The following FAT3 variants were observed in gnomAD, a reference collection of about 807,000 sequenced individuals.
The protein encoded by FAT3 is protocadherin Fat 3.
A neutral mutation model predicts 310.2 loss-of-function variants in FAT3; 95 were observed. The ratio of observed to expected loss-of-function variants is 0.31; its 90% CI spans 0.26 to 0.36. The LOEUF (loss-of-function observed/expected upper bound fraction) is 0.36. Ranked by LOEUF, FAT3 falls within the 10% of genes least tolerant of loss-of-function variation. The pLI, the probability that FAT3 is intolerant of heterozygous loss-of-function variation, is 1.00. For synonymous variants in FAT3, 2,314 were observed against 2,192.9 expected (o/e 1.06, Z -1.54); for missense variants, 5,408 against 5,715.6 (o/e 0.95, Z 1.74).
At chr11:92,859,480 C>T (rs1565656551) in intron 21 of FAT3, among the ~76,000 whole-genome samples, 158 bp downstream of exon 21, 1 of 152,156 alleles carries the variant, frequency 6.6e-6, no homozygotes, top group Non-Finnish European at 1.5e-5. Context: ...GGGAAGGGAG[C>T]CAACATCCCA....
At chr11:92,730,189 T>C (rs1282188233) in intron 4 of FAT3, among the ~76,000 whole-genome samples, 1 of 152,018 alleles carries the variant, frequency 6.6e-6, no homozygotes, top group Non-Finnish European at 1.5e-5. Flanking sequence ...CCTTTAATAA[T>C]TGGCCAGTCA....
chr11:92,662,772 C>T (rs1177499439), intron 3 of FAT3, among the ~76,000 whole-genome samples: 2 of 152,176 alleles, frequency 1.3e-5, no homozygotes, highest in Admixed American at 6.5e-5. Flanking sequence ...AGTCATTTGT[C>T]ATGTTTCATC....
At chr11:92,374,585 A>G (rs2134732996) in intron 2 of FAT3, among the ~76,000 whole-genome samples, 2 of 152,330 alleles carry the variant, frequency 1.3e-5, no homozygotes, top group South Asian at 4.1e-4. Context: ...ACCCACTATG[A>G]ACTGTAGGAA....
rs1949259646 is a variant in FAT3 at position 92,866,843 on chromosome 11, T to G, written c.11761T>G (p.Phe3921Val). 2 of 1,613,854 alleles carry G rather than the reference T, an allele frequency of 1.2e-6. No homozygotes were observed. Among genetic ancestry groups the G allele is most frequent in the Non-Finnish European group, 1.7e-6 (2 of 1,179,878 alleles). Residue 3921 changes from phenylalanine to valine, a missense_variant, in exon 22 of 28, where the codon TTC becomes GTC. Phe to Val is a conservative substitution (Grantham distance 50). This residue lies in a region of FAT3 where 4,588 missense variants were observed against 4,809.8 expected (regional missense o/e 0.95). Coordinates refer to ENST00000525166, the MANE Select transcript of FAT3 (RefSeq NM_001367949.2). ...CAACGACGGGAGCTGGCACTCGGTC[T>G]TCCTGGAGCTCAACCGCAATTTCAC... is the stretch of plus-strand genomic sequence containing the variant. ...AVNDGSWHSVFLELNRNFTSL... is the reference protein window; with the variant it reads ...AVNDGSWHSVVLELNRNFTSL...
At chr11:92,796,968 T>C (rs1443234281) in intron 9 of FAT3, among the ~76,000 whole-genome samples, 1 of 152,210 alleles carries the variant, frequency 6.6e-6, no homozygotes, top group Non-Finnish European at 1.5e-5. Context: ...TCACAAGGAT[T>C]ATGTCTCAGG....
chr11:92,630,153 A>C (rs1941502449), intron 3 of FAT3, among the ~76,000 whole-genome samples: 1 of 152,122 alleles, frequency 6.6e-6, no homozygotes, highest in Non-Finnish European at 1.5e-5. Context: ...TGCTGAATGA[A>C]ATGGCATGTG....
intron 21 of FAT3, 27 bp from the exon 22 acceptor site, chr11:92,866,714 G>T: frequency 3.1e-6 from 5 of 1,596,712 alleles, no homozygotes; most frequent in Non-Finnish European, 4.3e-6. Context: ...ATGTTGAAAA[G>T]TGCTGCACTG....
At chr11:92,851,202 G>C (rs1948822183) in intron 19 of FAT3, among the ~76,000 whole-genome samples, 1 of 152,150 alleles carries the variant, frequency 6.6e-6, no homozygotes, top group Non-Finnish European at 1.5e-5. Flanking sequence ...TACAAATCAT[G>C]AATCTGATCA....
intron 3 of FAT3, among the ~76,000 whole-genome samples, chr11:92,655,628 G>T (rs1942549941): frequency 6.6e-6 from 1 of 152,002 alleles, no homozygotes; most frequent in Non-Finnish European, 1.5e-5. Flanking sequence ...TTCCCCTTGA[G>T]GTACGCCACA....
chr11:92,615,711 T>A (rs1303050704), intron 3 of FAT3, among the ~76,000 whole-genome samples: 1 of 152,238 alleles, frequency 6.6e-6, no homozygotes, highest in African/African-American at 2.4e-5. Context: ...AACATCTTTA[T>A]TTCTGCCTTC....
chr11:92,235,961 G>A (rs1316086818), intron 1 of FAT3, among the ~76,000 whole-genome samples: 1 of 152,202 alleles, frequency 6.6e-6, no homozygotes, highest in East Asian at 1.9e-4. Context: ...GTTCACAGTC[G>A]AAGGTAAAAT....
At chr11:92,513,816 A>G (rs1420622938) in intron 2 of FAT3, among the ~76,000 whole-genome samples, 1 of 152,120 alleles carries the variant, frequency 6.6e-6, no homozygotes, top group Non-Finnish European at 1.5e-5. Context: ...TCTAATAATT[A>G]TCCCAGCAGG....
intron 2 of FAT3, among the ~76,000 whole-genome samples, chr11:92,412,740 T>TAA (rs1406550603): frequency 9.8e-4 from 75 of 76,316 alleles, no homozygotes; most frequent in African/African-American, 6.9e-3. Flanking sequence ...TATATATATA[T>TAA]ATATAAATAT....
At chr11:92,784,955 A>G (rs963226712) in intron 7 of FAT3, among the ~76,000 whole-genome samples, 3 of 151,894 alleles carry the variant, frequency 2.0e-5, no homozygotes, top group Non-Finnish European at 4.4e-5. Flanking sequence ...AACTTTCTGA[A>G]TGAAAGAATT....
Position 92,412,740 on chromosome 11 carries a change from T to TATATAA in FAT3, c.3292+57342_3292+57347dup, listed in dbSNP as rs1235437653. On this transcript the variant is annotated intron_variant, in intron 2 of 27. Transcript: ENST00000525166. ...ATATATATATATATATATATATATATATATAAATATACATACATATATATA... is the reference window on the plus strand; with the variant it reads ...ATATATATATATATATATATATATATATATAAATATAAATATACATACATATATATA... Among the ~76,000 whole-genome samples, 139 of 76,316 alleles carry TATATAA rather than the reference T, an allele frequency of 1.8e-3. 5 individuals carry two copies. Among genetic ancestry groups the TATATAA allele is most frequent in the African/African-American group, 0.013 (134 of 10,652 alleles). 50.1% of individuals were successfully genotyped at this position (76,316 alleles called of 152,430 possible).
At chr11:92,638,029 T>C (rs1941830430) in intron 3 of FAT3, among the ~76,000 whole-genome samples, 1 of 152,202 alleles carries the variant, frequency 6.6e-6, no homozygotes, top group Non-Finnish European at 1.5e-5. Context: ...CTTCATGTTA[T>C]GTTTGGTGCA....
At chr11:92,567,206 C>T in intron 3 of FAT3, among the ~76,000 whole-genome samples, 1 of 119,728 alleles carries the variant, frequency 8.4e-6, no homozygotes. Context: ...AAACAAAACC[C>T]CATCAAAAAG....
chr11:92,787,443 G>T (rs900449056), intron 7 of FAT3, among the ~76,000 whole-genome samples: 3 of 150,880 alleles, frequency 2.0e-5, no homozygotes, highest in Non-Finnish European at 3.0e-5. Flanking sequence ...AACAAATGAT[G>T]TTAGATGCAT....
chr11:92,244,802 C>T (rs188902812), intron 1 of FAT3, among the ~76,000 whole-genome samples: 2 of 152,148 alleles, frequency 1.3e-5, no homozygotes, highest in African/African-American at 2.4e-5. Flanking sequence ...CATCATCTCA[C>T]ACCAGTTAGA....
Sources: allele counts gnomAD v4.1 joint callset (sites outside exome capture counted in the v4.1 genomes callset), GRCh38; gene constraint gnomAD v4.1.1; regional missense constraint gnomAD v4.1.1; transcripts MANE v1.5; gene names NCBI Gene and HGNC (gene_info 2026-07-23, HGNC 2026-07-21).